The following AFP variants were observed in gnomAD, a reference collection of about 807,000 sequenced individuals.
AFP encodes the protein alpha fetoprotein.
In AFP, 64 loss-of-function variants were observed where a neutral mutation model predicts 78.9. The ratio of observed to expected loss-of-function variants is 0.81; its 90% CI spans 0.66 to 1.00. AFP has a LOEUF of 1.00. Ranked by LOEUF, AFP falls within the 50% of genes least tolerant of loss-of-function variation. AFP has a pLI of 0.00. For synonymous variants in AFP, 254 were observed against 243.8 expected (o/e 1.04, Z -0.39); for missense variants, 689 against 703.8 (o/e 0.98, Z 0.24).
intron 11 of AFP, among the ~76,000 whole-genome samples, chr4:73,451,532 A>G (rs983162869): frequency 6.6e-6 from 1 of 152,146 alleles, no homozygotes; most frequent in Non-Finnish European, 1.5e-5. Flanking sequence ...TGTCACCTCA[A>G]TTGTTTGTTG....
chr4:73,445,269 A>G (rs1007688399), intron 7 of AFP, 147 bp downstream of exon 7: 12 of 955,522 alleles, frequency 1.3e-5, no homozygotes, highest in Non-Finnish European at 1.9e-5. Context: ...AATTCTCGGT[A>G]GTAAAACTTA....
Position 73,455,694 on chromosome 4 carries a change from T to C in AFP, c.*74T>C, listed in dbSNP as rs1162276848. The C allele has an allele frequency of 2.9e-6, 2 of 694,230 alleles. No homozygotes were observed. The highest frequency in any genetic ancestry group is 5.4e-5 in the East Asian group (2 of 37,018). 43.0% of individuals were successfully genotyped at this position (694,230 alleles called of 1,614,324 possible). A position where few individuals can be genotyped will look rare whatever the true frequency, so the allele number is the denominator to read the frequency against. On this transcript the variant is annotated 3_prime_UTR_variant, in exon 15 of 15. Transcript: ENST00000395792. ...ACTTTTCTCTTTAATTTTAACTGAT[T>C]TAACACTTTTTGTGAATTAATGAAA...
chr4:73,452,668 C>G, intron 12 of AFP, 44 bp downstream of exon 12: 1 of 1,472,372 alleles, frequency 6.8e-7, no homozygotes, highest in Non-Finnish European at 9.4e-7. Flanking sequence ...ATGACAACCC[C>G]AAAGAGTAAC....
intron 8 of AFP, among the ~76,000 whole-genome samples, chr4:73,448,072 G>A (rs1459847311): frequency 6.6e-6 from 1 of 151,776 alleles, no homozygotes; most frequent in Non-Finnish European, 1.5e-5. Context: ...TGCTACGCAT[G>A]TTAAAAAAAA....
chr4:73,443,242 T>C, intron 5 of AFP, 105 bp from the exon 6 acceptor site: 1 of 838,240 alleles, frequency 1.2e-6, no homozygotes, highest in Non-Finnish European at 2.0e-6. Flanking sequence ...AAACATATTT[T>C]ATGGAATTTC....
Position 73,453,922 on chromosome 4 carries a change from A to G in AFP, c.1785+25A>G, listed in dbSNP as rs531528709. On this transcript the variant is annotated intron_variant, in intron 13 of 14. Coordinates refer to ENST00000395792, the MANE Select transcript of AFP (RefSeq NM_001134.3). ...GGTACATGCAGCTCATTTCATACTCAAAATACTTGCTATGGAATTTTCTGT... is the reference window on the plus strand; with the variant it reads ...GGTACATGCAGCTCATTTCATACTCGAAATACTTGCTATGGAATTTTCTGT... 3.1e-6 allele frequency: 5 copies of G among 1,613,232 alleles called. No individual in the cohort carries two copies. In the Admixed American group the frequency reaches 8.3e-5, roughly 27 times the overall value.
chr4:73,450,265 C>T, intron 10 of AFP, 132 bp downstream of exon 10: 1 of 786,254 alleles, frequency 1.3e-6, no homozygotes, highest in Non-Finnish European at 2.1e-6. Context: ...TTTAAGTTCC[C>T]CATACTGTGC....
intron 2 of AFP, among the ~76,000 whole-genome samples, chr4:73,437,522 C>T (rs1006082812): frequency 6.6e-6 from 1 of 152,004 alleles, no homozygotes; most frequent in African/African-American, 2.4e-5. Context: ...TCAGTACCAA[C>T]AGGGTGATAT....
intron 12 of AFP, 35 bp from the exon 13 acceptor site, chr4:73,453,730 A>G (rs1212637920): frequency 1.9e-6 from 3 of 1,609,424 alleles, no homozygotes; most frequent in Admixed American, 1.7e-5. Flanking sequence ...TGCATAACAG[A>G]CTTCTCTTGT....
At chr4:73,448,266 T>G (rs1457318475) in intron 8 of AFP, among the ~76,000 whole-genome samples, 4 of 152,134 alleles carry the variant, frequency 2.6e-5, no homozygotes, top group South Asian at 2.1e-4. Flanking sequence ...CTCACTCTAT[T>G]TGCCTTTAAG....
At position 73,455,267 on chromosome 4, in the gene AFP, C is replaced by A. The variant is rs201376665; in HGVS notation, c.1817C>A (p.Ala606Asp). 244 of 1,612,338 alleles carry A rather than the reference C, an allele frequency of 1.5e-4. No individual in the cohort carries two copies. The highest frequency in any genetic ancestry group is 3.3e-4 in the Middle Eastern group (2 of 6,064). ...GQKLISKTRA[A>D]LGV is the part of the protein sequence containing the mutation. ...AAACTGATTTCAAAAACTCGTGCTG[C>A]TTTGGGAGTTTAAATTACTTCAGGT... Residue 606 changes from alanine (A) to aspartate (D), a missense_variant, in exon 14 of 15, where the codon GCT (alanine) becomes GAT (aspartate). Ala to Asp is a moderately radical substitution (Grantham distance 126). Transcript: ENST00000395792.
At position 73,440,454 on chromosome 4, in the gene AFP, G is replaced by A; in HGVS notation, c.271-148G>A. On this transcript the variant is annotated intron_variant, in intron 3 of 14. Coordinates refer to ENST00000395792, the MANE Select transcript of AFP (RefSeq NM_001134.3). ...GGCAGCAAAGAAATCTATTTCATCA[G>A]GCTGAAACAAAATACATTAGAATTT... is the stretch of plus-strand genomic sequence containing the variant. 3 of 679,110 alleles carry A rather than the reference G, an allele frequency of 4.4e-6. No individual in the cohort carries two copies. The South Asian group carries it at 5.7e-5, about 13-fold the overall frequency. The allele number at this position is 679,110 out of a possible 1,614,324, so 42.1% of individuals were successfully genotyped here. A position where few individuals can be genotyped will look rare whatever the true frequency, so the allele number is the denominator to read the frequency against.
chr4:73,440,163 G>A (rs111446709), intron 3 of AFP, among the ~76,000 whole-genome samples: 1 of 151,994 alleles, frequency 6.6e-6, no homozygotes, highest in African/African-American at 2.4e-5. Flanking sequence ...TGTTGCCTGG[G>A]TATTAAGCCC....
chr4:73,440,466 A>G, intron 3 of AFP, 136 bp from the exon 4 acceptor site: 1 of 728,696 alleles, frequency 1.4e-6, no homozygotes, highest in Non-Finnish European at 2.3e-6. Context: ...CTGAAACAAA[A>G]TACATTAGAA....
At position 73,455,908 on chromosome 4, in the gene AFP, G is replaced by C; in HGVS notation, c.*288G>C. The C allele has an allele frequency of 2.2e-6, 1 of 453,374 alleles. No homozygotes were observed. The highest frequency in any genetic ancestry group is 3.9e-6 in the Non-Finnish European group (1 of 256,896). The allele number at this position is 453,374 out of a possible 1,614,324, so 28.1% of individuals were successfully genotyped here. A position where few individuals can be genotyped will look rare whatever the true frequency, so the allele number is the denominator to read the frequency against. ...ATTATAGGAGATTAAAGCTATCCAAGGATGGATTTACAGCACTAGATCACT... is the reference window on the plus strand; with the variant it reads ...ATTATAGGAGATTAAAGCTATCCAACGATGGATTTACAGCACTAGATCACT... On this transcript the variant is annotated 3_prime_UTR_variant, in exon 15 of 15. Transcript: ENST00000395792.
At chr4:73,444,860 C>A (rs1560394201) in intron 6 of AFP, 133 bp from the exon 7 acceptor site, 4 of 826,454 alleles carry the variant, frequency 4.8e-6, no homozygotes, top group Non-Finnish European at 7.2e-6. Context: ...AACATGTTTC[C>A]TTTTCTTTTT....
At chr4:73,445,455 A>G (rs1026073725) in intron 7 of AFP, among the ~76,000 whole-genome samples, 3 of 152,228 alleles carry the variant, frequency 2.0e-5, no homozygotes, top group Admixed American at 2.0e-4. Context: ...TCATTCATTT[A>G]TTCTTTCATT....
intron 6 of AFP, among the ~76,000 whole-genome samples, chr4:73,443,790 C>T (rs1277080445): frequency 6.6e-6 from 1 of 152,128 alleles, no homozygotes; most frequent in Admixed American, 6.5e-5. Context: ...AATAAGTCAG[C>T]CTTCACTGAG....
chr4:73,436,564 G>A (rs778827771), intron 1 of AFP, among the ~76,000 whole-genome samples: 1 of 151,482 alleles, frequency 6.6e-6, no homozygotes, highest in Non-Finnish European at 1.5e-5. Flanking sequence ...TGGTTTGTAT[G>A]TTTCATGTTG....
Sources: gnomAD v4.1 joint callset for allele counts (sites outside exome capture counted in the v4.1 genomes callset) on GRCh38, gnomAD v4.1.1 for gene constraint, MANE v1.5 for transcripts, NCBI Gene and HGNC (gene_info 2026-07-23, HGNC 2026-07-21) for gene names.